RGS10: variants seen among roughly 807,000 people sequenced by gnomAD.
RGS10 encodes regulator of G-protein signalling 10.
RGS10 carries 11 observed loss-of-function variants against 23.5 expected under a neutral mutation model. The ratio of observed to expected loss-of-function variants is 0.47; its 90% CI spans 0.29 to 0.77. The LOEUF is 0.77. RGS10 is among the 30% of genes least tolerant of loss of function. The pLI is 0.08. For synonymous variants in RGS10, 77 were observed against 83.2 expected (o/e 0.92, Z 0.41); for missense variants, 180 against 226.3 (o/e 0.80, Z 1.31).
chr10:119,537,727 C>A (rs1020358201), intron 1 of RGS10, among the ~76,000 whole-genome samples: 1 of 152,100 alleles, frequency 6.6e-6, no homozygotes, highest in Admixed American at 6.5e-5. Context: ...GGCTGGTAGG[C>A]GGTTTTCTTC....
At chr10:119,505,956 T>C (rs1844007795) in intron 4 of RGS10, among the ~76,000 whole-genome samples, 1 of 152,240 alleles carries the variant, frequency 6.6e-6, no homozygotes, top group South Asian at 2.1e-4. Flanking sequence ...GGATATCATA[T>C]CTGCTTTAAG....
chr10:119,514,126 C>T (rs1361510959), intron 4 of RGS10, among the ~76,000 whole-genome samples: 5 of 151,568 alleles, frequency 3.3e-5, no homozygotes, highest in Non-Finnish European at 5.9e-5. Context: ...GAGGCCGACG[C>T]GGGCGGATCA....
At chr10:119,507,169 C>T (rs978833008) in intron 4 of RGS10, among the ~76,000 whole-genome samples, 44 of 152,168 alleles carry the variant, frequency 2.9e-4, no homozygotes, top group Non-Finnish European at 5.6e-4. Flanking sequence ...CTGGAAAATA[C>T]CCATTTCTTC....
rs183689236 is a variant in RGS10, at chr10:119,517,348, G to A, written c.256-1696C>T. On this transcript the variant is annotated intron_variant, in intron 3 of 4. Transcript: ENST00000369103. The surrounding 1 kb of genome is among the most constrained non-coding windows in gnomAD (Gnocchi z 5.0). ...TCACTGTCAATAGGAGCAATGAATC[G>A]ATGCCAGACTCAGTGACACAGGAGT... Among the ~76,000 whole-genome samples the A allele has an allele frequency of 1.2e-4, 18 of 152,254 alleles. No individual in the cohort carries two copies. In the East Asian group the frequency reaches 2.7e-3, roughly 23 times the overall value.
chr10:119,503,150 G>A (rs910735866), intron 4 of RGS10, among the ~76,000 whole-genome samples: 1 of 152,048 alleles, frequency 6.6e-6, no homozygotes, highest in Non-Finnish European at 1.5e-5. Context: ...GGCTGAGGCG[G>A]GCGGATAGCA....
chr10:119,513,079 A>T (rs1844096778), intron 4 of RGS10, among the ~76,000 whole-genome samples: 1 of 152,254 alleles, frequency 6.6e-6, no homozygotes, highest in Non-Finnish European at 1.5e-5. Flanking sequence ...CAATAAAGAA[A>T]TGATTTCTTC....
At chr10:119,501,681 C>A (rs947901485) in intron 4 of RGS10, among the ~76,000 whole-genome samples, 15 of 152,084 alleles carry the variant, frequency 9.9e-5, no homozygotes, top group Middle Eastern at 3.4e-3. Flanking sequence ...TGAGATCACA[C>A]CACTGCACTC....
intron 4 of RGS10, among the ~76,000 whole-genome samples, chr10:119,504,695 G>T (rs1843990180): frequency 6.6e-6 from 1 of 152,178 alleles, no homozygotes; most frequent in Non-Finnish European, 1.5e-5. Context: ...CTTATCAGAA[G>T]AGGAGGGGAC....
Position 119,524,110 on chromosome 10 carries a change from C to T in RGS10, c.255+1922G>A, listed in dbSNP as rs1043752729. 2.6e-5 allele frequency among the ~76,000 whole-genome samples: 4 copies of T among 152,142 alleles called. No homozygotes were observed. Among genetic ancestry groups the T allele is most frequent in the African/African-American group, 9.7e-5 (4 of 41,410 alleles). ...ATCCCTCCCCGTTGCCCACGCCTTG[C>T]TCCCACGACACATGTGCTTCCCATC... is the stretch of plus-strand genomic sequence containing the variant. On this transcript the variant is annotated intron_variant, in intron 3 of 4. Coordinates refer to ENST00000369103, the MANE Select transcript of RGS10 (RefSeq NM_001005339.2). The surrounding 1 kb of genome is among the most constrained non-coding windows in gnomAD (Gnocchi z 5.2).
chr10:119,539,303 C>G (rs1844416615), intron 1 of RGS10, among the ~76,000 whole-genome samples: 1 of 152,236 alleles, frequency 6.6e-6, no homozygotes, highest in Non-Finnish European at 1.5e-5. Context: ...ATAAAACAAG[C>G]CCAGCCATAA....
intron 1 of RGS10, among the ~76,000 whole-genome samples, chr10:119,532,271 C>T (rs1223162455): frequency 1.3e-5 from 2 of 152,150 alleles, no homozygotes; most frequent in Non-Finnish European, 1.5e-5. Context: ...ACTCCACTCA[C>T]CCAGTGGCAT....
intron 4 of RGS10, among the ~76,000 whole-genome samples, chr10:119,509,958 AG>A (rs1844058810): frequency 1.5e-5 from 1 of 64,534 alleles, no homozygotes. Context: ...GAGAGGGGGA[AG>A]GGGGGAGAGG....
At chr10:119,536,431 C>A (rs745561135) in intron 1 of RGS10, 1 of 1,605,360 alleles carries the variant, frequency 6.2e-7, no homozygotes. Flanking sequence ...AGGCAAACTG[C>A]GGACATGGAA....
chr10:119,518,700 CCCCCAAT>C (rs200178954), intron 3 of RGS10, among the ~76,000 whole-genome samples: 9,433 of 151,506 alleles, frequency 0.062, 354 homozygotes, highest in Non-Finnish European at 0.081. Context: ...GGCCTCACCA[CCCCCAAT>C]CCCTCTTTTT....
chr10:119,502,375 G>A lies in RGS10; in HGVS notation c.400-2116C>T, dbSNP rs116096667. Among the ~76,000 whole-genome samples the A allele has an allele frequency of 1.9e-3, 296 of 152,198 alleles. 3 individuals are homozygous for A. The highest frequency in any genetic ancestry group is 6.8e-3 in the African/African-American group (284 of 41,534). ...ATGTGACTAATGAAACCAGTTGCACGAAGGTCCCACCTGGCACCCAGCCTC... is the reference window on the plus strand; with the variant it reads ...ATGTGACTAATGAAACCAGTTGCACAAAGGTCCCACCTGGCACCCAGCCTC... On this transcript the variant is annotated intron_variant, in intron 4 of 4. Coordinates refer to ENST00000369103, the MANE Select transcript of RGS10 (RefSeq NM_001005339.2).
chr10:119,513,957 G>C (rs982025819), intron 4 of RGS10, among the ~76,000 whole-genome samples: 3 of 152,292 alleles, frequency 2.0e-5, no homozygotes, highest in Admixed American at 6.5e-5. Context: ...TAATCTCTCT[G>C]AACCTTGCTT....
At chr10:119,522,612 G>A (rs1365537516) in intron 3 of RGS10, among the ~76,000 whole-genome samples, 6 of 151,622 alleles carry the variant, frequency 4.0e-5, no homozygotes. Context: ...CAGCTACTCA[G>A]TAGGCTGAGG....
chr10:119,527,818 A>G lies in RGS10; in HGVS notation c.50-394T>C, dbSNP rs997240985. On this transcript the variant is annotated intron_variant, in intron 1 of 4. Transcript: ENST00000369103. The surrounding 1 kb of genome is among the most constrained non-coding windows in gnomAD (Gnocchi z 4.2). ...GCGCTTTGTGCACAGACTTAGAATTATGGTGCTGTGTTGTGACTATTTACA... is the reference window on the plus strand; with the variant it reads ...GCGCTTTGTGCACAGACTTAGAATTGTGGTGCTGTGTTGTGACTATTTACA... 6.6e-6 allele frequency among the ~76,000 whole-genome samples: 1 copy of G among 152,154 alleles called. No homozygotes were observed. The highest frequency in any genetic ancestry group is 1.5e-5 in the Non-Finnish European group (1 of 68,034).
At chr10:119,522,245 C>T (rs932350783) in intron 3 of RGS10, among the ~76,000 whole-genome samples, 1 of 152,262 alleles carries the variant, frequency 6.6e-6, no homozygotes, top group Non-Finnish European at 1.5e-5. Context: ...GGATAATCCA[C>T]GTCAAGGAAT....
Sources: gnomAD v4.1 joint callset for allele counts (sites outside exome capture counted in the v4.1 genomes callset) on GRCh38, gnomAD v4.1.1 for gene constraint, Gnocchi (gnomAD v3.1) non-coding constraint, MANE v1.5 for transcripts, NCBI Gene and HGNC (gene_info 2026-07-23, HGNC 2026-07-21) for gene names.